Variants in MCTP1 observed in about 807,000 individuals in gnomAD.
The protein encoded by MCTP1 is multiple C2 and transmembrane domain-containing protein 1.
A neutral mutation model predicts 120.6 loss-of-function variants in MCTP1; 69 were observed. The observed-to-expected ratio is 0.57, with a 90% CI of 0.47 to 0.70. The LOEUF is 0.70. Ranked by LOEUF, MCTP1 falls within the 30% of genes least tolerant of loss-of-function variation. The probability of loss-of-function intolerance (pLI) is 0.00; values close to 1 mark genes in which losing one functional copy is unlikely to be tolerated. For missense variants in MCTP1, 1,203 were observed against 1,248.8 expected (o/e 0.96, Z 0.55); for synonymous variants, 529 against 493.1 (o/e 1.07, Z -0.96).
At chr5:95,032,763 CA>C (rs1336687953) in intron 1 of MCTP1, among the ~76,000 whole-genome samples, 1 of 151,326 alleles carries the variant, frequency 6.6e-6, no homozygotes, top group Non-Finnish European at 1.5e-5. Context: ...AAATTTAGAG[CA>C]AAAAAATTAT....
chr5:94,838,693 A>C (rs1032309215), intron 17 of MCTP1, among the ~76,000 whole-genome samples: 1 of 152,244 alleles, frequency 6.6e-6, no homozygotes, highest in Admixed American at 6.5e-5. Context: ...AGCCAGATAC[A>C]TAGGAAGTGC....
chr5:95,082,904 T>C (rs1487264046), intron 1 of MCTP1, among the ~76,000 whole-genome samples: 1 of 152,186 alleles, frequency 6.6e-6, no homozygotes, highest in African/African-American at 2.4e-5. Flanking sequence ...TTTAGGAAGG[T>C]CTTCCCTGAC....
intron 19 of MCTP1, among the ~76,000 whole-genome samples, chr5:94,777,739 C>T (rs866064977): frequency 6.6e-6 from 1 of 151,982 alleles, no homozygotes; most frequent in South Asian, 2.1e-4. Context: ...TCATTTATTG[C>T]CAGAAGTGTA....
intron 1 of MCTP1, among the ~76,000 whole-genome samples, chr5:95,022,244 C>T (rs573417634): frequency 1.8e-4 from 28 of 152,296 alleles, no homozygotes; most frequent in African/African-American, 6.7e-4. Flanking sequence ...ATTACTTTTG[C>T]ACCAACCTAA....
chr5:94,916,102 T>A (rs1023658660), intron 8 of MCTP1, among the ~76,000 whole-genome samples: 9 of 152,212 alleles, frequency 5.9e-5, no homozygotes, highest in Non-Finnish European at 1.2e-4. Context: ...AAAATGGTAC[T>A]TCTCTACAAA....
Position 94,775,117 on chromosome 5 carries a change from G to C in MCTP1, c.2610+3993C>G, listed in dbSNP as rs1775010022. Among the ~76,000 whole-genome samples the C allele has an allele frequency of 2.0e-5, 3 of 152,126 alleles. No homozygotes were observed. In the South Asian group the frequency reaches 6.2e-4, roughly 32 times the overall value. ...TTCATTTGTTACATCTAGTTCTCTT[G>C]AAACACAGTAACCTTGACATAATGG... On this transcript the variant is annotated intron_variant, in intron 19 of 22. Transcript: ENST00000515393.
chr5:95,236,811 A>G (rs534510078), intron 1 of MCTP1, among the ~76,000 whole-genome samples: 3 of 152,170 alleles, frequency 2.0e-5, no homozygotes, highest in Non-Finnish European at 4.4e-5. Flanking sequence ...CTGTGACCAT[A>G]GAGGGAGATT....
At chr5:94,947,320 T>C (rs1819200512) in intron 3 of MCTP1, among the ~76,000 whole-genome samples, 4 of 151,912 alleles carry the variant, frequency 2.6e-5, no homozygotes. Flanking sequence ...CTATTGCAGT[T>C]CACTGTCCGT....
chr5:95,197,034 T>C (rs1329550903), intron 1 of MCTP1, among the ~76,000 whole-genome samples: 1 of 152,194 alleles, frequency 6.6e-6, no homozygotes, highest in Admixed American at 6.5e-5. Context: ...TTGTTTTTAG[T>C]ACTCTAGTTA....
intron 19 of MCTP1, among the ~76,000 whole-genome samples, chr5:94,716,758 T>G (rs1759532345): frequency 6.6e-6 from 1 of 152,072 alleles, no homozygotes; most frequent in Non-Finnish European, 1.5e-5. Flanking sequence ...TAAAAAGTTT[T>G]TTTTTTTTTA....
At chr5:94,765,460 G>A (rs1370519368) in intron 19 of MCTP1, among the ~76,000 whole-genome samples, 1 of 152,174 alleles carries the variant, frequency 6.6e-6, no homozygotes, top group Non-Finnish European at 1.5e-5. Flanking sequence ...AGCACTTTGG[G>A]AGGGCGAGGT....
At chr5:95,022,798 A>G (rs1177984161) in intron 1 of MCTP1, among the ~76,000 whole-genome samples, 1 of 152,220 alleles carries the variant, frequency 6.6e-6, no homozygotes, top group African/African-American at 2.4e-5. Flanking sequence ...GATAAAAATT[A>G]GCACTTAAAA....
rs1821598889 is a variant in MCTP1 at position 94,954,022 on chromosome 5, GCATATATATACAAA to G, written c.839-675_839-662del. ...TATGCATATATATACAAATATATAT[GCATATATATACAAA>G]TATATATATGCATATATATACAAAT... On this transcript the variant is annotated intron_variant, in intron 2 of 22. Transcript: ENST00000515393. 5.1e-5 allele frequency among the ~76,000 whole-genome samples: 2 copies of G among 39,472 alleles called. 1 individual carries two copies. The highest frequency in any genetic ancestry group is 1.4e-3 in the South Asian group (2 of 1,434). 25.9% of individuals were successfully genotyped at this position (39,472 alleles called of 152,430 possible).
At chr5:94,895,489 G>A (rs989036888) in intron 10 of MCTP1, among the ~76,000 whole-genome samples, 1 of 152,116 alleles carries the variant, frequency 6.6e-6, no homozygotes. Context: ...CCCTGAAAAC[G>A]CTTTTCATAA....
chr5:95,199,422 G>A (rs1031449422), intron 1 of MCTP1, among the ~76,000 whole-genome samples: 2 of 152,114 alleles, frequency 1.3e-5, no homozygotes, highest in Non-Finnish European at 2.9e-5. Context: ...CAGAGGATCT[G>A]AACAGACATT....
intron 1 of MCTP1, among the ~76,000 whole-genome samples, chr5:95,262,270 C>T (rs150484243): frequency 5.8e-4 from 89 of 152,280 alleles, no homozygotes; most frequent in African/African-American, 2.0e-3. Flanking sequence ...TTTTTGATCA[C>T]AGGATCACAG....
intron 18 of MCTP1, among the ~76,000 whole-genome samples, chr5:94,791,339 T>A (rs935092492): frequency 5.3e-5 from 8 of 151,088 alleles, no homozygotes; most frequent in African/African-American, 1.7e-4. Context: ...AAACAGTGTT[T>A]AATTAAGAAG....
At chr5:94,974,924 A>C (rs1456051548) in intron 2 of MCTP1, among the ~76,000 whole-genome samples, 1 of 152,204 alleles carries the variant, frequency 6.6e-6, no homozygotes, top group Admixed American at 6.6e-5. Flanking sequence ...TACATTTCTT[A>C]GACTATTCAT....
chr5:94,939,700 G>C (rs970099577), intron 5 of MCTP1, among the ~76,000 whole-genome samples: 1 of 151,906 alleles, frequency 6.6e-6, no homozygotes, highest in African/African-American at 2.4e-5. Context: ...TCTCTGTTAT[G>C]GTACACCTGA....
Sources: gnomAD v4.1 joint callset for allele counts (sites outside exome capture counted in the v4.1 genomes callset) on GRCh38, gnomAD v4.1.1 for gene constraint, MANE v1.5 for transcripts, NCBI Gene and HGNC (gene_info 2026-07-23, HGNC 2026-07-21) for gene names.